The following PCDH15 variants were observed in gnomAD, a reference collection of about 807,000 sequenced individuals.
The protein encoded by PCDH15 is protocadherin related 15, also known as protocadherin-15.
In PCDH15, 129 loss-of-function variants were observed where a neutral mutation model predicts 178.5. The observed-to-expected ratio is 0.72, with a 90% CI of 0.63 to 0.84. The LOEUF (loss-of-function observed/expected upper bound fraction) is 0.84. Among genes scored for constraint, PCDH15 ranks in the 40% least tolerant of loss-of-function variants. PCDH15 has a pLI of 0.00. For missense variants in PCDH15, 2,230 were observed against 2,099.9 expected (o/e 1.06, Z -1.21); for synonymous variants, 800 against 732.0 (o/e 1.09, Z -1.50).
At chr10:55,279,062 G>T (rs542113720) in intron 1 of PCDH15, among the ~76,000 whole-genome samples, 2 of 152,266 alleles carry the variant, frequency 1.3e-5, no homozygotes, top group Non-Finnish European at 2.9e-5. Context: ...AAGATAGTTT[G>T]GGCAAATCTA....
At chr10:55,330,066 G>A (rs1254643591) in intron 2 of PCDH15, among the ~76,000 whole-genome samples, 1 of 151,678 alleles carries the variant, frequency 6.6e-6, no homozygotes, top group Non-Finnish European at 1.5e-5. Context: ...CACTGTAAAT[G>A]ACATATCTCA....
intron 1 of PCDH15, among the ~76,000 whole-genome samples, chr10:55,168,427 C>A (rs531697616): frequency 6.6e-6 from 1 of 152,172 alleles, no homozygotes; most frequent in Non-Finnish European, 1.5e-5. Context: ...CAACAATAAC[C>A]ACAATAGGAG....
chr10:53,847,263 C>G (rs753127684), intron 28 of PCDH15, among the ~76,000 whole-genome samples: 3 of 151,902 alleles, frequency 2.0e-5, no homozygotes, highest in Non-Finnish European at 4.4e-5. Flanking sequence ...GATTATAAAC[C>G]CTACTTAGGC....
chr10:54,660,466 G>A (rs1340418568), intron 2 of PCDH15, among the ~76,000 whole-genome samples: 1 of 151,944 alleles, frequency 6.6e-6, no homozygotes, highest in African/African-American at 2.4e-5. Flanking sequence ...AATTGAATTA[G>A]TAATAAAAAA....
chr10:54,140,897 T>C (rs891509971), intron 14 of PCDH15, among the ~76,000 whole-genome samples: 3 of 152,098 alleles, frequency 2.0e-5, no homozygotes, highest in Admixed American at 6.6e-5. Flanking sequence ...TTGGCCATGA[T>C]AGTCTCAATC....
In PCDH15 at chr10:55,581,984, G is replaced by A. The variant is rs768961043; in HGVS notation, c.-156+45641C>T. Among the ~76,000 whole-genome samples the A allele has an allele frequency of 2.9e-4, 44 of 152,218 alleles. 1 individual carries two copies. In the South Asian group the frequency reaches 3.1e-3, roughly 11 times the overall value. The stretch of plus-strand genomic sequence containing the variant: ...CTGCCTCAGCCTACCAAGGACCTGC[G>A]ATTATATGCCACCATGTAATGGTGG... On this transcript the variant is annotated intron_variant, in intron 2 of 5. Coordinates refer to the PCDH15 transcript ENST00000613346.
intron 2 of PCDH15, among the ~76,000 whole-genome samples, chr10:55,372,778 G>A (rs1845538309): frequency 6.6e-6 from 1 of 152,044 alleles, no homozygotes; most frequent in African/African-American, 2.4e-5. Flanking sequence ...CATCATTTCT[G>A]TAATACATAG....
At chr10:55,028,401 A>G (rs973840331) in intron 2 of PCDH15, among the ~76,000 whole-genome samples, 1 of 151,974 alleles carries the variant, frequency 6.6e-6, no homozygotes, top group Non-Finnish European at 1.5e-5. Flanking sequence ...CACGTCTAAA[A>G]CTAAAATCAA....
At chr10:54,670,804 T>C (rs2135499499) in intron 1 of PCDH15, among the ~76,000 whole-genome samples, 1 of 152,284 alleles carries the variant, frequency 6.6e-6, no homozygotes, top group South Asian at 2.1e-4. Context: ...GACACTAAGC[T>C]TCTACTATAG....
intron 1 of PCDH15, among the ~76,000 whole-genome samples, chr10:54,790,244 A>T (rs1951268214): frequency 6.6e-6 from 1 of 151,826 alleles, no homozygotes; most frequent in African/African-American, 2.4e-5. Flanking sequence ...TCATACACAG[A>T]AGATTTCCAA....
chr10:54,494,763 C>A (rs1170079566), intron 3 of PCDH15, among the ~76,000 whole-genome samples: 2 of 152,084 alleles, frequency 1.3e-5, no homozygotes, highest in Non-Finnish European at 2.9e-5. Context: ...TGAATAGGGT[C>A]TCTCTTTGCT....
intron 14 of PCDH15, among the ~76,000 whole-genome samples, chr10:54,139,502 C>A (rs2043197246): frequency 6.6e-6 from 1 of 151,884 alleles, no homozygotes; most frequent in East Asian, 1.9e-4. Flanking sequence ...TGGGTCATTT[C>A]CAATTAAGAA....
chr10:54,847,543 T>G (rs2168109), intron 3 of PCDH15, among the ~76,000 whole-genome samples: 23,612 of 152,058 alleles, frequency 0.16, 2,357 homozygotes, highest in East Asian at 0.45. Context: ...ATCTCAGGAA[T>G]CAATTATAAT....
intron 15 of PCDH15, among the ~76,000 whole-genome samples, chr10:54,131,596 T>G (rs1242300284): frequency 1.3e-5 from 2 of 152,220 alleles, no homozygotes; most frequent in Non-Finnish European, 2.9e-5. Context: ...TGTTTCAATA[T>G]TAAATGATCA....
chr10:53,849,879 A>G (rs1477956155), intron 28 of PCDH15, among the ~76,000 whole-genome samples: 102 of 149,736 alleles, frequency 6.8e-4, no homozygotes, highest in African/African-American at 2.2e-3. Context: ...AAAAAAAAAA[A>G]AAAAGAAAGA....
chr10:55,223,093 C>A (rs572100026), intron 1 of PCDH15, among the ~76,000 whole-genome samples: 1 of 152,032 alleles, frequency 6.6e-6, no homozygotes, highest in East Asian at 1.9e-4. Flanking sequence ...ATGGCCCCAT[C>A]AGGCTTGTGC....
At chr10:54,403,397 T>G (rs1952191102) in intron 3 of PCDH15, among the ~76,000 whole-genome samples, 2 of 151,934 alleles carry the variant, frequency 1.3e-5, no homozygotes, top group African/African-American at 4.8e-5. Flanking sequence ...CAACACACAT[T>G]CATGTCAAAA....
chr10:55,542,349 AGT>A (rs1236188817), intron 2 of PCDH15, among the ~76,000 whole-genome samples: 1 of 150,856 alleles, frequency 6.6e-6, no homozygotes. Context: ...AATATATGTT[AGT>A]GTGTATATAT....
At chr10:54,962,560 T>C (rs1591808316) in intron 2 of PCDH15, among the ~76,000 whole-genome samples, 1 of 152,164 alleles carries the variant, frequency 6.6e-6, no homozygotes, top group Non-Finnish European at 1.5e-5. Flanking sequence ...AGATTTTGGG[T>C]ACCACAGTGT....
Sources: gnomAD v4.1 joint callset for allele counts (sites outside exome capture counted in the v4.1 genomes callset) on GRCh38, gnomAD v4.1.1 for gene constraint, MANE v1.5 for transcripts, NCBI Gene and HGNC (gene_info 2026-07-23, HGNC 2026-07-21) for gene names.